Variants in COG5 observed in about 807,000 individuals in gnomAD.
The protein encoded by COG5 is component of oligomeric golgi complex 5.
In COG5, 86 loss-of-function variants were observed where a neutral mutation model predicts 110.4. The observed-to-expected ratio is 0.78, with a 90% CI of 0.65 to 0.93. COG5 has a LOEUF of 0.93. COG5 is among the 40% of genes least tolerant of loss of function. The probability of loss-of-function intolerance (pLI) is 0.00; values close to 1 mark genes in which losing one functional copy is unlikely to be tolerated. For synonymous variants in COG5, 360 were observed against 334.6 expected, an observed-to-expected ratio of 1.08 and a Z score of -0.83; for missense variants, 1,077 against 987.0, an observed-to-expected ratio of 1.09 and a Z score of -1.22.
chr7:107,334,633 A>G (rs1250820455), intron 10 of COG5, among the ~76,000 whole-genome samples: 2 of 151,980 alleles, frequency 1.3e-5, no homozygotes, highest in South Asian at 2.1e-4. Context: ...GTGGGATAAC[A>G]TTTTCAAAGT....
intron 17 of COG5, among the ~76,000 whole-genome samples, chr7:107,247,751 T>G: frequency 6.6e-6 from 1 of 152,228 alleles, no homozygotes; most frequent in East Asian, 1.9e-4. Flanking sequence ...GAACTATGAT[T>G]ATTATTCTCA....
chr7:107,558,985 A>G (rs1450588769), intron 1 of COG5, among the ~76,000 whole-genome samples: 1 of 150,328 alleles, frequency 6.7e-6, no homozygotes, highest in Non-Finnish European at 1.5e-5. Context: ...GATCATTGTC[A>G]GTGAAAAGAC....
At chr7:107,325,727 T>C (rs1809712013) in intron 10 of COG5, among the ~76,000 whole-genome samples, 1 of 152,238 alleles carries the variant, frequency 6.6e-6, no homozygotes, top group South Asian at 2.1e-4. Context: ...ATTGCTACAG[T>C]CCCAAAAATA....
chr7:107,433,537 T>TG (rs1304464443), intron 6 of COG5, among the ~76,000 whole-genome samples: 9 of 152,178 alleles, frequency 5.9e-5, no homozygotes, highest in Admixed American at 1.3e-4. Context: ...TAAGGTCAAA[T>TG]GATTTTTGAC....
intron 7 of COG5, among the ~76,000 whole-genome samples, chr7:107,374,100 T>C (rs75127847): frequency 0.019 from 2,849 of 152,210 alleles, 89 homozygotes; most frequent in African/African-American, 0.063. Flanking sequence ...AAAAGCTTAA[T>C]TTAGTATGGT....
chr7:107,400,149 T>C (rs371583704), intron 7 of COG5, among the ~76,000 whole-genome samples: 4 of 152,162 alleles, frequency 2.6e-5, no homozygotes, highest in South Asian at 2.1e-4. Context: ...AGTCTTAAAG[T>C]AGAAATAACC....
At chr7:107,324,374 T>C in intron 11 of COG5, 66 bp downstream of exon 11, 2 of 1,034,758 alleles carry the variant, frequency 1.9e-6, no homozygotes, top group Non-Finnish European at 3.0e-6. Context: ...GCAAAGCTTC[T>C]TGACATCAAA....
At chr7:107,540,021 G>C (rs768371275) in intron 5 of COG5, among the ~76,000 whole-genome samples, 1 of 152,188 alleles carries the variant, frequency 6.6e-6, no homozygotes, top group Non-Finnish European at 1.5e-5. Flanking sequence ...CTGAAGTTGG[G>C]AAGTAGAGAT....
chr7:107,488,319 A>C (rs1797772524), intron 6 of COG5, among the ~76,000 whole-genome samples: 2 of 151,916 alleles, frequency 1.3e-5, no homozygotes, highest in African/African-American at 4.8e-5. Context: ...AAAATAAAAT[A>C]AATTGGTCTT....
At chr7:107,252,790 A>T (rs1387172174) in intron 16 of COG5, among the ~76,000 whole-genome samples, 1 of 152,170 alleles carries the variant, frequency 6.6e-6, no homozygotes, top group African/African-American at 2.4e-5. Context: ...CTTCATTAGC[A>T]GAATAAAAGA....
intron 12 of COG5, among the ~76,000 whole-genome samples, chr7:107,285,521 G>A (rs887822241): frequency 2.6e-5 from 4 of 151,920 alleles, no homozygotes; most frequent in Non-Finnish European, 5.9e-5. Context: ...GCTTTACTAG[G>A]GGGCTTCCAA....
intron 14 of COG5, among the ~76,000 whole-genome samples, chr7:107,277,008 C>T (rs1460595215): frequency 1.3e-5 from 2 of 152,138 alleles, no homozygotes; most frequent in African/African-American, 2.4e-5. Flanking sequence ...TTGCTTAGAA[C>T]TCAGATGTGA....
At chr7:107,331,553 A>T (rs1284421814) in intron 10 of COG5, among the ~76,000 whole-genome samples, 4 of 152,168 alleles carry the variant, frequency 2.6e-5, no homozygotes, top group Non-Finnish European at 4.4e-5. Flanking sequence ...AGGCAAAAAG[A>T]TCAGTTAGGA....
chr7:107,471,077 G>C (rs1421580472), intron 6 of COG5, among the ~76,000 whole-genome samples: 1 of 151,852 alleles, frequency 6.6e-6, no homozygotes, highest in African/African-American at 2.4e-5. Flanking sequence ...TGAAAATACA[G>C]GTTAGCTTCT....
At chr7:107,424,047 C>A (rs958646422) in intron 6 of COG5, among the ~76,000 whole-genome samples, 1 of 151,976 alleles carries the variant, frequency 6.6e-6, no homozygotes, top group East Asian at 1.9e-4. Context: ...CTGAGGCTGG[C>A]GGACTGCCCG....
chr7:107,236,362 A>T, intron 18 of COG5, 88 bp downstream of exon 18: 2 of 1,017,824 alleles, frequency 2.0e-6, no homozygotes, highest in Non-Finnish European at 3.1e-6. Context: ...GCAACTCTTT[A>T]AAAACACCGA....
chr7:107,464,482 T>C (rs907236658), intron 6 of COG5, among the ~76,000 whole-genome samples: 3 of 152,178 alleles, frequency 2.0e-5, no homozygotes, highest in African/African-American at 4.8e-5. Flanking sequence ...AGGAGACTCT[T>C]ACTCTGTACT....
chr7:107,502,065 CATAA>C (rs879776465), intron 6 of COG5, among the ~76,000 whole-genome samples: 14 of 152,048 alleles, frequency 9.2e-5, no homozygotes, highest in African/African-American at 2.2e-4. Context: ...GTTGTGATTA[CATAA>C]ATAAATTATT....
intron 7 of COG5, among the ~76,000 whole-genome samples, chr7:107,386,503 C>A (rs191413633): frequency 6.6e-6 from 1 of 152,090 alleles, no homozygotes; most frequent in Non-Finnish European, 1.5e-5. Context: ...TGAAAAGCAC[C>A]GCGCAGTCAG....
Sources: gnomAD v4.1 joint callset for allele counts (sites outside exome capture counted in the v4.1 genomes callset) on GRCh38, gnomAD v4.1.1 for gene constraint, MANE v1.5 for transcripts, NCBI Gene and HGNC (gene_info 2026-07-23, HGNC 2026-07-21) for gene names.